The following SUPT3H variants were observed in gnomAD, a reference collection of about 807,000 sequenced individuals.
The protein encoded by SUPT3H is transcription initiation protein SPT3 homolog.
Under a neutral mutation model 44.3 loss-of-function variants are expected in SUPT3H, and 44 were observed. The ratio of observed to expected loss-of-function variants is 0.99; its 90% CI spans 0.78 to 1.28. SUPT3H has a LOEUF of 1.28. SUPT3H is among the 50% of genes most tolerant of loss of function. The pLI, the probability that SUPT3H is intolerant of heterozygous loss-of-function variation, is 0.00. For synonymous variants in SUPT3H, 124 were observed against 125.6 expected (o/e 0.99, Z 0.09); for missense variants, 380 against 387.1 (o/e 0.98, Z 0.15).
At chr6:45,107,578 C>A (rs1799456112) in intron 2 of SUPT3H, among the ~76,000 whole-genome samples, 1 of 152,014 alleles carries the variant, frequency 6.6e-6, no homozygotes, top group Non-Finnish European at 1.5e-5. Context: ...GTATCTGCTA[C>A]CCATATAGCC....
At chr6:45,277,918 T>A (rs1487896136) in intron 2 of SUPT3H, among the ~76,000 whole-genome samples, 1 of 152,204 alleles carries the variant, frequency 6.6e-6, no homozygotes, top group African/African-American at 2.4e-5. Flanking sequence ...AGCACTACAA[T>A]TTATACAGCA....
chr6:45,351,044 TGA>T (rs1255947958), intron 2 of SUPT3H, among the ~76,000 whole-genome samples: 7 of 152,256 alleles, frequency 4.6e-5, no homozygotes, highest in African/African-American at 1.7e-4. Context: ...CCTGATGATG[TGA>T]GGTGTAACAG....
intron 6 of SUPT3H, among the ~76,000 whole-genome samples, chr6:44,988,107 T>C (rs1429492418): frequency 6.6e-6 from 1 of 152,054 alleles, no homozygotes; most frequent in Non-Finnish European, 1.5e-5. Context: ...CTAACCAGGA[T>C]TGGGGTTTTA....
chr6:45,282,606 T>A (rs1275187818), intron 2 of SUPT3H, among the ~76,000 whole-genome samples: 2 of 152,198 alleles, frequency 1.3e-5, no homozygotes, highest in Non-Finnish European at 2.9e-5. Context: ...AATCTACATC[T>A]GATTGGTGTA....
intron 2 of SUPT3H, among the ~76,000 whole-genome samples, chr6:45,363,190 G>A (rs1307518239): frequency 6.6e-6 from 1 of 152,082 alleles, no homozygotes; most frequent in African/African-American, 2.4e-5. Flanking sequence ...GGCTTCAATA[G>A]ACAACAGATA....
At chr6:45,310,814 C>G (rs1448487872) in intron 2 of SUPT3H, among the ~76,000 whole-genome samples, 2 of 152,178 alleles carry the variant, frequency 1.3e-5, no homozygotes, top group Non-Finnish European at 2.9e-5. Flanking sequence ...CTGACAGAGC[C>G]TACCCAAATA....
intron 6 of SUPT3H, among the ~76,000 whole-genome samples, chr6:44,965,593 T>C (rs989893754): frequency 6.7e-6 from 1 of 150,016 alleles, no homozygotes; most frequent in African/African-American, 2.5e-5. Context: ...CTGAATTGTT[T>C]AAAAAAAAAA....
downstream of SUPT3H, among the ~76,000 whole-genome samples, chr6:44,824,421 A>G (rs1245760147): frequency 6.6e-6 from 1 of 152,200 alleles, no homozygotes; most frequent in African/African-American, 2.4e-5. Flanking sequence ...GCTAATCAGG[A>G]GGCTGAGGTG....
At position 44,890,565 on chromosome 6, in the gene SUPT3H, C is replaced by T. The variant is rs1220762714; in HGVS notation, c.912+42088G>A. 1.2e-4 allele frequency among the ~76,000 whole-genome samples: 16 copies of T among 135,574 alleles called. No individual in the cohort carries two copies. In the Admixed American group the frequency reaches 1.3e-3, roughly 11 times the overall value. 88.9% of individuals were successfully genotyped at this position (135,574 alleles called of 152,430 possible). On this transcript the variant is annotated intron_variant, in intron 10 of 10. Transcript: ENST00000371459. ...ATAGGTGGGAATTGAACAATGAGAA[C>T]ACATGGACACAGGAAGGGGAACATC...
intron 10 of SUPT3H, among the ~76,000 whole-genome samples, chr6:44,870,905 G>C (rs1391264719): frequency 3.3e-5 from 5 of 151,696 alleles, no homozygotes. Flanking sequence ...CTGGAAAATC[G>C]GGTCACTCCC....
At position 44,921,004 on chromosome 6, in the gene SUPT3H, G is replaced by A. The variant is rs116616608; in HGVS notation, c.912+11649C>T. The stretch of plus-strand genomic sequence containing the variant: ...AGGCAGATTGTGCCATCCTTTCGCC[G>A]TATCTAAGGGACTGTCCCTCTTTTA... On this transcript the variant is annotated intron_variant, in intron 10 of 10. Transcript: ENST00000371459. Among the ~76,000 whole-genome samples the A allele has an allele frequency of 4.7e-3, 717 of 152,234 alleles. 9 individuals carry two copies. The highest frequency in any genetic ancestry group is 0.016 in the African/African-American group (669 of 41,532).
intron 2 of SUPT3H, among the ~76,000 whole-genome samples, chr6:45,123,444 G>A (rs1022541803): frequency 6.6e-6 from 1 of 150,894 alleles, no homozygotes; most frequent in South Asian, 2.1e-4. Flanking sequence ...TGTGATCATG[G>A]CTCACTGAAG....
chr6:45,313,427 A>C (rs1784254643), intron 2 of SUPT3H, among the ~76,000 whole-genome samples: 1 of 152,158 alleles, frequency 6.6e-6, no homozygotes. Flanking sequence ...GAGAAAATCC[A>C]AATAACCTCA....
intron 10 of SUPT3H, among the ~76,000 whole-genome samples, chr6:44,867,868 T>C (rs920964555): frequency 2.0e-5 from 3 of 152,240 alleles, no homozygotes; most frequent in Non-Finnish European, 4.4e-5. Context: ...ACATTCTTCA[T>C]TGTACCATAA....
chr6:44,811,565 GA>G (rs1766525959), intron 11 of SUPT3H, among the ~76,000 whole-genome samples: 1 of 152,226 alleles, frequency 6.6e-6, no homozygotes, highest in Non-Finnish European at 1.5e-5. Flanking sequence ...TGCAGATGTG[GA>G]AGGTGGAAAT....
At chr6:45,027,270 C>T (rs988184925) in intron 3 of SUPT3H, among the ~76,000 whole-genome samples, 1 of 152,030 alleles carries the variant, frequency 6.6e-6, no homozygotes, top group African/African-American at 2.4e-5. Flanking sequence ...GGATTACAGG[C>T]ACGTAGGAGC....
At chr6:45,357,457 A>C (rs1331128804) in intron 2 of SUPT3H, among the ~76,000 whole-genome samples, 1 of 152,036 alleles carries the variant, frequency 6.6e-6, no homozygotes, top group East Asian at 1.9e-4. Context: ...CAGCCTCCCA[A>C]GTAGCTGGGA....
intron 10 of SUPT3H, among the ~76,000 whole-genome samples, chr6:44,899,452 T>TG (rs1764619277): frequency 1.3e-5 from 2 of 151,566 alleles, no homozygotes; most frequent in South Asian, 2.1e-4. Context: ...CTTTGGGAGG[T>TG]GGAGGTGGGC....
chr6:44,838,008 C>T (rs954450736), intron 10 of SUPT3H, among the ~76,000 whole-genome samples: 3 of 152,108 alleles, frequency 2.0e-5, no homozygotes, highest in Admixed American at 2.0e-4. Flanking sequence ...ACACAGATAG[C>T]AATAGCTGTT....
Sources: gnomAD v4.1 joint callset for allele counts (sites outside exome capture counted in the v4.1 genomes callset) on GRCh38, gnomAD v4.1.1 for gene constraint, MANE v1.5 for transcripts, NCBI Gene and HGNC (gene_info 2026-07-23, HGNC 2026-07-21) for gene names.